LYRM4: variants seen among roughly 807,000 people sequenced by gnomAD.
LYRM4 encodes the protein LYR motif containing 4.
A neutral mutation model predicts 11.7 loss-of-function variants in LYRM4; 9 were observed. The ratio of observed to expected loss-of-function variants is 0.77; its 90% CI spans 0.46 to 1.34. The LOEUF (loss-of-function observed/expected upper bound fraction) is 1.34, where lower values mean the gene tolerates loss of function less well. Among genes scored for constraint, LYRM4 ranks in the 40% most tolerant of loss-of-function variants. The pLI, the probability that LYRM4 is intolerant of heterozygous loss-of-function variation, is 0.00. For missense variants in LYRM4, 133 were observed against 112.5 expected (o/e 1.18, Z -0.82); for synonymous variants, 42 against 40.4 (o/e 1.04, Z -0.15).
At chr6:5,129,513 A>G (rs1215029911) in intron 2 of LYRM4, among the ~76,000 whole-genome samples, 1 of 152,084 alleles carries the variant, frequency 6.6e-6, no homozygotes, top group Non-Finnish European at 1.5e-5. Context: ...TGCTTCTGCC[A>G]CTTTCTCTCT....
chr6:5,243,019 C>T (rs939877018), intron 1 of LYRM4, among the ~76,000 whole-genome samples: 3 of 151,808 alleles, frequency 2.0e-5, no homozygotes, highest in African/African-American at 2.4e-5. Context: ...ATGATCCACC[C>T]GCCTCGGCCT....
chr6:5,082,449 AC>A, the LYRM4 span, among the ~76,000 whole-genome samples: 1 of 152,080 alleles, frequency 6.6e-6, no homozygotes. Flanking sequence ...TGTCTACCCA[AC>A]AGCTCAAGTC....
intron 1 of LYRM4, among the ~76,000 whole-genome samples, chr6:5,224,919 C>G (rs2127734547): frequency 6.6e-6 from 1 of 152,136 alleles, no homozygotes; most frequent in Non-Finnish European, 1.5e-5. Flanking sequence ...GAGATTGCGC[C>G]ACTGCACTCC....
intron 1 of LYRM4, among the ~76,000 whole-genome samples, chr6:5,217,571 G>A (rs1762346445): frequency 6.6e-6 from 1 of 152,252 alleles, no homozygotes; most frequent in African/African-American, 2.4e-5. Context: ...GCTTTATAAT[G>A]TGTGTCTGGA....
the LYRM4 span, among the ~76,000 whole-genome samples, chr6:5,077,674 T>C: frequency 6.6e-6 from 1 of 152,214 alleles, no homozygotes; most frequent in Non-Finnish European, 1.5e-5. Flanking sequence ...ACTTGAAGAA[T>C]TAATAGATAG....
chr6:5,190,514 C>T (rs974984297), intron 2 of LYRM4, among the ~76,000 whole-genome samples: 3 of 152,194 alleles, frequency 2.0e-5, no homozygotes, highest in African/African-American at 7.2e-5. Context: ...GGGACACACA[C>T]ATGCAGGCAT....
At position 5,150,125 on chromosome 6, in the gene LYRM4, G is replaced by A. The variant is rs564489033; in HGVS notation, c.208-40634C>T. On this transcript the variant is annotated intron_variant, in intron 2 of 2. Transcript: ENST00000330636. ...GGGTATTAAGAGGCAGTAATGCACC[G>A]CAGCCCATCTGTCCCATAAAAGCTC... 8.5e-5 allele frequency among the ~76,000 whole-genome samples: 13 copies of A among 152,290 alleles called. No individual in the cohort carries two copies. The East Asian group carries it at 1.2e-3, about 14-fold the overall frequency.
At chr6:5,063,062 T>C in the LYRM4 span, among the ~76,000 whole-genome samples, 4 of 152,292 alleles carry the variant, frequency 2.6e-5, no homozygotes, top group African/African-American at 9.6e-5. Flanking sequence ...ATGAGTCATT[T>C]CCATCTCTGC....
At chr6:5,250,462 G>A (rs1007780746) in intron 1 of LYRM4, among the ~76,000 whole-genome samples, 8 of 151,926 alleles carry the variant, frequency 5.3e-5, no homozygotes, top group East Asian at 1.9e-4. Flanking sequence ...TAAGTTAACC[G>A]TACTATTTTT....
chr6:5,169,344 G>C lies in LYRM4; in HGVS notation c.207+47274C>G, dbSNP rs112616830. Among the ~76,000 whole-genome samples, 273 of 152,304 alleles carry C rather than the reference G, an allele frequency of 1.8e-3. 5 individuals are homozygous for C. The highest frequency in any genetic ancestry group is 6.4e-3 in the African/African-American group (264 of 41,572). The stretch of plus-strand genomic sequence containing the variant: ...CTGGCCAGAATAAGAACAAAAGGAA[G>C]GAACTGGCACAAACAAAATGCGTGG... On this transcript the variant is annotated intron_variant, in intron 2 of 2. Coordinates refer to ENST00000330636, the MANE Select transcript of LYRM4 (RefSeq NM_020408.6).
At chr6:5,118,095 T>TTTTTA (rs1763221948) in intron 2 of LYRM4, among the ~76,000 whole-genome samples, 3 of 96,886 alleles carry the variant, frequency 3.1e-5, no homozygotes, top group Middle Eastern at 0.01. Context: ...TATATATATA[T>TTTTTA]TTTTGTTTTG....
At chr6:5,251,599 A>G (rs1443115787) in intron 1 of LYRM4, among the ~76,000 whole-genome samples, 1 of 152,204 alleles carries the variant, frequency 6.6e-6, no homozygotes, top group Non-Finnish European at 1.5e-5. Flanking sequence ...TATTGTGAGG[A>G]CAGTACCAAG....
At chr6:5,134,970 A>G (rs868259981) in intron 2 of LYRM4, among the ~76,000 whole-genome samples, 1 of 92,032 alleles carries the variant, frequency 1.1e-5, no homozygotes, top group Non-Finnish European at 2.2e-5. Flanking sequence ...GAGGGTGCGG[A>G]TCGCTCCCGG....
At chr6:5,073,082 A>C in the LYRM4 span, among the ~76,000 whole-genome samples, 1 of 152,158 alleles carries the variant, frequency 6.6e-6, no homozygotes, top group Non-Finnish European at 1.5e-5. Flanking sequence ...TTATTAAAAA[A>C]TGTAGTATAG....
At chr6:5,036,606 C>T in the LYRM4 span, among the ~76,000 whole-genome samples, 11 of 152,206 alleles carry the variant, frequency 7.2e-5, no homozygotes, top group South Asian at 2.1e-4. Flanking sequence ...TCCAGACTAG[C>T]GAGTGCTGAT....
At chr6:5,085,438 C>A in the LYRM4 span, 1 of 1,405,792 alleles carries the variant, frequency 7.1e-7, no homozygotes, top group East Asian at 2.5e-5. Context: ...AGTTAAGTCT[C>A]CAGAGGGGCC....
At chr6:5,089,326 T>G in the LYRM4 span, 1 of 152,204 alleles carries the variant, frequency 6.6e-6, no homozygotes, top group Non-Finnish European at 1.5e-5. Context: ...ACCATATTTT[T>G]CCGATATATT....
chr6:5,044,137 T>G, the LYRM4 span, among the ~76,000 whole-genome samples: 4 of 152,230 alleles, frequency 2.6e-5, no homozygotes, highest in South Asian at 2.1e-4. Flanking sequence ...TTGTTTGTTT[T>G]TTGTTTGTGA....
At chr6:5,078,653 A>C in the LYRM4 span, among the ~76,000 whole-genome samples, 2 of 152,218 alleles carry the variant, frequency 1.3e-5, no homozygotes, top group Non-Finnish European at 2.9e-5. Context: ...ACATATGAGA[A>C]AACAAATGAT....
Sources: gnomAD v4.1 joint callset for allele counts (sites outside exome capture counted in the v4.1 genomes callset) on GRCh38, gnomAD v4.1.1 for gene constraint, MANE v1.5 for transcripts, NCBI Gene and HGNC (gene_info 2026-07-23, HGNC 2026-07-21) for gene names.